FOXP2: variants seen among roughly 807,000 people sequenced by gnomAD.
FOXP2 encodes the protein forkhead box P2, also known as forkhead box protein P2.
A neutral mutation model predicts 115.8 loss-of-function variants in FOXP2; 12 were observed. The ratio of observed to expected loss-of-function variants is 0.10; its 90% CI spans 0.07 to 0.17. The LOEUF (loss-of-function observed/expected upper bound fraction) is 0.17. Ranked by LOEUF, FOXP2 falls within the 10% of genes least tolerant of loss-of-function variation. The pLI is 1.00. For missense variants in FOXP2, 629 were observed against 843.5 expected (o/e 0.75, Z 3.15); for synonymous variants, 328 against 297.7 (o/e 1.10, Z -1.05).
chr7:114,417,056 A>G (rs1447870308), intron 1 of FOXP2, among the ~76,000 whole-genome samples: 2 of 151,996 alleles, frequency 1.3e-5, no homozygotes, highest in African/African-American at 2.4e-5. Context: ...AAGGCATGGT[A>G]TTCTGCTATT....
At chr7:114,562,039 C>A (rs184146589) in intron 3 of FOXP2, among the ~76,000 whole-genome samples, 35 of 152,228 alleles carry the variant, frequency 2.3e-4, no homozygotes, top group Admixed American at 2.1e-3. Context: ...ACCATACTCT[C>A]TTGTTATTCC....
At chr7:114,173,707 A>C (rs888099766) in intron 1 of FOXP2, among the ~76,000 whole-genome samples, 2 of 151,924 alleles carry the variant, frequency 1.3e-5, no homozygotes, top group Admixed American at 1.3e-4. Context: ...CATTTTGAAC[A>C]TATTCAACTA....
chr7:114,621,510 G>A (rs1028026174), intron 3 of FOXP2, among the ~76,000 whole-genome samples: 1 of 152,000 alleles, frequency 6.6e-6, no homozygotes, highest in South Asian at 2.1e-4. Flanking sequence ...TAAGTCGTTG[G>A]TACAATACTC....
At chr7:114,160,529 G>T (rs780633145), upstream of FOXP2, among the ~76,000 whole-genome samples, 2 of 152,036 alleles carry the variant, frequency 1.3e-5, no homozygotes, top group Admixed American at 6.6e-5. Context: ...ACCAAGCTCT[G>T]TCCTAAGGGA....
At chr7:114,538,705 T>C (rs1799511893) in intron 3 of FOXP2, among the ~76,000 whole-genome samples, 1 of 151,770 alleles carries the variant, frequency 6.6e-6, no homozygotes, top group South Asian at 2.1e-4. Context: ...TATTTTGTTT[T>C]CATTTTGAAG....
rs544350916 is a variant in FOXP2 at position 114,693,392 on chromosome 7, G to T, written c.*3466G>T. The T allele has an allele frequency of 1.3e-5, 6 of 453,572 alleles. No individual in the cohort carries two copies. Among genetic ancestry groups the T allele is most frequent in the South Asian group, 7.8e-5 (5 of 64,446 alleles). 28.1% of individuals were successfully genotyped at this position (453,572 alleles called of 1,614,324 possible). Reference sequence around the variant, plus strand: ...TTAATGTCCCTGGGCAGATTCAGTCGCAAAATCCAATATGATATTTTGTAA... The same window carrying T: ...TTAATGTCCCTGGGCAGATTCAGTCTCAAAATCCAATATGATATTTTGTAA... On this transcript the variant is annotated 3_prime_UTR_variant, in exon 17 of 17. Coordinates refer to ENST00000350908, the MANE Select transcript of FOXP2 (RefSeq NM_014491.4).
Position 114,543,570 on chromosome 7 carries a change from C to T in FOXP2, c.258+8864C>T, listed in dbSNP as rs73429348. ...GAAACTTTTTTACATTATAGGTTCT[C>T]CTACATTAGTGAGGTAGATAACAGC... On this transcript the variant is annotated intron_variant, in intron 3 of 16. Coordinates refer to ENST00000350908, the MANE Select transcript of FOXP2 (RefSeq NM_014491.4). 6.9e-3 allele frequency among the ~76,000 whole-genome samples: 1,055 copies of T among 152,178 alleles called. 11 individuals are homozygous for T. Among genetic ancestry groups the T allele is most frequent in the African/African-American group, 0.024 (1,004 of 41,512 alleles).
intron 1 of FOXP2, among the ~76,000 whole-genome samples, chr7:114,253,705 C>G (rs199551497): frequency 6.6e-6 from 1 of 151,978 alleles, no homozygotes; most frequent in East Asian, 1.9e-4. Flanking sequence ...TGAGATGGGT[C>G]TCCTGAATAC....
At chr7:114,421,815 G>A (rs1401462576) in intron 1 of FOXP2, among the ~76,000 whole-genome samples, 2 of 151,744 alleles carry the variant, frequency 1.3e-5, no homozygotes, top group African/African-American at 4.8e-5. Flanking sequence ...AAGACTTTTA[G>A]CAAAGCAGTG....
At chr7:114,459,278 G>A (rs935115181) in intron 2 of FOXP2, among the ~76,000 whole-genome samples, 8 of 152,152 alleles carry the variant, frequency 5.3e-5, no homozygotes, top group African/African-American at 1.7e-4. Context: ...GGAGCAGTGT[G>A]GGAAGAGCCG....
chr7:114,439,506 T>C (rs947837194), intron 2 of FOXP2, among the ~76,000 whole-genome samples: 20 of 152,262 alleles, frequency 1.3e-4, no homozygotes, highest in South Asian at 2.1e-4. Context: ...CGTGGTATTA[T>C]AGCAACAATA....
intron 2 of FOXP2, among the ~76,000 whole-genome samples, chr7:114,508,072 C>T (rs1429509142): frequency 6.6e-6 from 1 of 151,742 alleles, no homozygotes; most frequent in Non-Finnish European, 1.5e-5. Flanking sequence ...TATTTCTCAC[C>T]CTGAAAGCAT....
chr7:114,618,748 C>G (rs1438630617), intron 3 of FOXP2, among the ~76,000 whole-genome samples: 1 of 152,060 alleles, frequency 6.6e-6, no homozygotes, highest in Non-Finnish European at 1.5e-5. Flanking sequence ...GATCCTCAAT[C>G]TTTTTAATGT....
intron 1 of FOXP2, among the ~76,000 whole-genome samples, chr7:114,260,647 C>T (rs145684756): frequency 6.0e-4 from 91 of 151,940 alleles, no homozygotes; most frequent in African/African-American, 1.9e-3. Context: ...AAGAAAAAAA[C>T]GCATGAACAA....
upstream of FOXP2, chr7:114,086,551 T>C (rs1463035032): frequency 7.3e-6 from 3 of 409,896 alleles, no homozygotes; most frequent in Admixed American, 2.8e-5. Context: ...GTTTGGGGGC[T>C]TCTGCCTCGC....
At chr7:114,514,599 A>T (rs1222211809) in intron 2 of FOXP2, among the ~76,000 whole-genome samples, 4 of 151,730 alleles carry the variant, frequency 2.6e-5, no homozygotes, top group Non-Finnish European at 5.9e-5. Context: ...CTTTTTTTTT[A>T]GAGCTGAATA....
intron 3 of FOXP2, among the ~76,000 whole-genome samples, chr7:114,574,919 A>C (rs898018373): frequency 6.6e-6 from 1 of 151,878 alleles, no homozygotes; most frequent in African/African-American, 2.4e-5. Context: ...ATTAAATTAC[A>C]CTGGCCACAT....
At chr7:114,130,695 A>G (rs940879101) in intron 1 of FOXP2, among the ~76,000 whole-genome samples, 1 of 152,204 alleles carries the variant, frequency 6.6e-6, no homozygotes, top group African/African-American at 2.4e-5. Context: ...CATACTGTAG[A>G]AGTAAAAATA....
At chr7:114,358,985 T>C (rs1427248732) in intron 2 of FOXP2, among the ~76,000 whole-genome samples, 6 of 152,192 alleles carry the variant, frequency 3.9e-5, no homozygotes, top group African/African-American at 1.4e-4. Flanking sequence ...AGGAACCAAA[T>C]GTTAATCACC....
Sources: gnomAD v4.1 joint callset for allele counts (sites outside exome capture counted in the v4.1 genomes callset) on GRCh38, gnomAD v4.1.1 for gene constraint, MANE v1.5 for transcripts, NCBI Gene and HGNC (gene_info 2026-07-23, HGNC 2026-07-21) for gene names.